Variants in MCM5 observed in about 807,000 individuals in gnomAD.
MCM5 encodes DNA replication licensing factor MCM5.
In MCM5, 46 loss-of-function variants were observed where a neutral mutation model predicts 79.9. The ratio of observed to expected loss-of-function variants is 0.58; its 90% confidence interval spans 0.45 to 0.74. MCM5 has a LOEUF of 0.74. Among genes scored for constraint, MCM5 ranks in the 30% least tolerant of loss-of-function variants. MCM5 has a pLI of 0.00. For missense variants in MCM5, 883 were observed against 1,017.0 expected, an observed-to-expected ratio of 0.87 and a Z score of 1.79; for synonymous variants, 404 against 390.5, an observed-to-expected ratio of 1.03 and a Z score of -0.41.
the MCM5 span, among the ~76,000 whole-genome samples, chr22:35,444,974 T>G: frequency 7.2e-3 from 1,090 of 152,306 alleles, 13 homozygotes; most frequent in African/African-American, 0.024. Flanking sequence ...CCTCCCAGAC[T>G]CCTCTGCGGC....
rs1280362067 is a variant in MCM5, at chr22:35,400,625, G to A, written c.167+20G>A. ...ATACAGGTGCGGCTCCTGCGGGGCC[G>A]GGGGCTCGAGTTCCAGTGTGGCCGC... On this transcript the variant is annotated intron_variant, in intron 2 of 16. Coordinates refer to ENST00000216122, the MANE Select transcript of MCM5 (RefSeq NM_006739.4). 7 of 1,569,048 alleles carry A rather than the reference G, an allele frequency of 4.5e-6. No homozygotes were observed. Among genetic ancestry groups the A allele is most frequent in the Non-Finnish European group, 6.0e-6 (7 of 1,157,066 alleles).
downstream of MCM5, among the ~76,000 whole-genome samples, chr22:35,426,846 T>C (rs570096695): frequency 1.0e-3 from 157 of 152,342 alleles, no homozygotes; most frequent in Admixed American, 2.4e-3. Flanking sequence ...TGCCCCACTC[T>C]ACTCCTGGCT....
At chr22:35,428,709 G>A (rs1601767444), downstream of MCM5, among the ~76,000 whole-genome samples, 1 of 152,254 alleles carries the variant, frequency 6.6e-6, no homozygotes, top group African/African-American at 2.4e-5. Flanking sequence ...CTGTTGGCGG[G>A]CTTGGTCTTC....
the MCM5 span, among the ~76,000 whole-genome samples, chr22:35,442,782 G>A: frequency 6.6e-5 from 10 of 152,176 alleles, no homozygotes; most frequent in East Asian, 1.9e-4. Flanking sequence ...CATGGAAGGC[G>A]CCGTGTTCAC....
chr22:35,450,134 C>G, the MCM5 span, among the ~76,000 whole-genome samples: 1 of 152,126 alleles, frequency 6.6e-6, no homozygotes, highest in Non-Finnish European at 1.5e-5. Flanking sequence ...TGTCTGACCT[C>G]TCAGATTTGT....
At position 35,421,384 on chromosome 22, in the gene MCM5, A is replaced by G. The variant is rs1932689347; in HGVS notation, c.1899A>G (p.Thr633=). 1.2e-6 allele frequency: 2 copies of G among 1,614,184 alleles called. No homozygotes were observed. Among genetic ancestry groups the G allele is most frequent in the South Asian group, 2.2e-5 (2 of 91,090 alleles). The stretch of plus-strand genomic sequence containing the variant: ...AGATGAAGCTGCAGCCCTTCGCCAC[A>G]GAGGCAGATGTGGAGGAGGCCCTGC... The part of the protein sequence containing the change: ...LSKMKLQPFA[T]EADVEEALRL... The change falls in exon 15 of 17, where the codon ACA becomes ACG. Residue 633 remains threonine (T), a synonymous_variant. Transcript: ENST00000216122.
chr22:35,400,490 G>A lies in MCM5; in HGVS notation c.52G>A (p.Asp18Asn). 6.2e-7 allele frequency: 1 copy of A among 1,614,094 alleles called. No homozygotes were observed. Reference protein sequence around the residue: ...GIFYSDSFGGDAQADEGQARK... With the variant: ...GIFYSDSFGGNAQADEGQARK... ...TTTCTACAGCGACAGCTTCGGGGGC[G>A]ACGCCCAGGCCGACGAGGGGCAGGC... The change falls in exon 2 of 17, where the codon GAC becomes AAC. Residue 18 changes from aspartate to asparagine, a missense_variant. Coordinates refer to ENST00000216122, the MANE Select transcript of MCM5 (RefSeq NM_006739.4).
At chr22:35,438,435 A>G in the MCM5 span, among the ~76,000 whole-genome samples, 1 of 110,470 alleles carries the variant, frequency 9.1e-6, no homozygotes, top group Non-Finnish European at 1.9e-5. Flanking sequence ...ATCCATCCAC[A>G]TATTCATCCA....
the MCM5 span, among the ~76,000 whole-genome samples, chr22:35,431,114 ACT>A: frequency 3.7e-4 from 57 of 152,048 alleles, no homozygotes; most frequent in African/African-American, 1.4e-3. Flanking sequence ...GAATCTGGAA[ACT>A]CCCTGGCTCA....
chr22:35,446,060 A>C, the MCM5 span, among the ~76,000 whole-genome samples: 1 of 152,286 alleles, frequency 6.6e-6, no homozygotes, highest in East Asian at 1.9e-4. Flanking sequence ...GAGTGAGTGG[A>C]TTGGTCTCTA....
At chr22:35,420,109 T>G in intron 14 of MCM5, 97 bp downstream of exon 14, 1 of 1,430,864 alleles carries the variant, frequency 7.0e-7, no homozygotes, top group Non-Finnish European at 9.4e-7. Context: ...GGCTTTTCAC[T>G]TGGCACAGGC....
the MCM5 span, among the ~76,000 whole-genome samples, chr22:35,433,328 A>G: frequency 1.3e-5 from 2 of 152,314 alleles, no homozygotes; most frequent in Admixed American, 6.5e-5. Context: ...AGATGAGACC[A>G]TGTATAACAT....
At chr22:35,404,776 C>T (rs1429742266) in intron 4 of MCM5, among the ~76,000 whole-genome samples, 3 of 152,168 alleles carry the variant, frequency 2.0e-5, no homozygotes, top group Non-Finnish European at 4.4e-5. Context: ...CTGGTTCTCT[C>T]GTTCAGCCGG....
the MCM5 span, among the ~76,000 whole-genome samples, chr22:35,432,468 C>G: frequency 6.6e-6 from 1 of 152,218 alleles, no homozygotes; most frequent in Non-Finnish European, 1.5e-5. Context: ...GGCCCCCACA[C>G]AGAACGTGCT....
At position 35,408,341 on chromosome 22, in the gene MCM5, G is replaced by C; in HGVS notation, c.597-67G>C. 3.3e-6 allele frequency: 5 copies of C among 1,493,154 alleles called. No homozygotes were observed. The South Asian group carries it at 6.1e-5, about 18-fold the overall frequency. The allele number at this position is 1,493,154 out of a possible 1,614,324, so 92.5% of individuals were successfully genotyped here. A position where few individuals can be genotyped will look rare whatever the true frequency, so the allele number is the denominator to read the frequency against. On this transcript the variant is annotated intron_variant, in intron 5 of 16. Transcript: ENST00000216122. ...GCAACGTCTCCTTGCTGGCTCCTGG[G>C]ATGAATGAGCCCTGCCTTTGGATTC...
rs4645826 is a variant in MCM5, at chr22:35,424,457, G to A, written c.*202G>A. 1.9e-3 allele frequency: 973 copies of A among 510,826 alleles called. 3 individuals carry two copies. The highest frequency in any genetic ancestry group is 3.4e-3 in the Admixed American group (85 of 24,820). 31.6% of individuals were successfully genotyped at this position (510,826 alleles called of 1,614,324 possible). ...CGCCTCTAGCGCGGTTCTGGGAAGT[G>A]TGCTTTTGGCATCCGTTAATAATAA... is the stretch of plus-strand genomic sequence containing the variant. On this transcript the variant is annotated 3_prime_UTR_variant, in exon 17 of 17. Coordinates refer to ENST00000216122, the MANE Select transcript of MCM5 (RefSeq NM_006739.4).
At chr22:35,448,428 G>A in the MCM5 span, among the ~76,000 whole-genome samples, 1 of 151,930 alleles carries the variant, frequency 6.6e-6, no homozygotes, top group African/African-American at 2.4e-5. Context: ...CCAGCAGCTG[G>A]AGTCATCTTC....
chr22:35,424,385 T>A lies in MCM5; in HGVS notation c.*130T>A. ...CTCGAACTTCCCAGGCACCCTCCTT[T>A]CTGCCCCAGAGGAAGGAGCTGTAGT... On this transcript the variant is annotated 3_prime_UTR_variant, in exon 17 of 17. Transcript: ENST00000216122. 1.5e-6 allele frequency: 1 copy of A among 675,620 alleles called. No individual in the cohort carries two copies. The highest frequency in any genetic ancestry group is 2.9e-5 in the Admixed American group (1 of 34,706). The allele number at this position is 675,620 out of a possible 1,614,324, so 41.9% of individuals were successfully genotyped here. A position where few individuals can be genotyped will look rare whatever the true frequency, so the allele number is the denominator to read the frequency against.
chr22:35,421,699 C>A, intron 15 of MCM5: 1 of 582,720 alleles, frequency 1.7e-6, no homozygotes, highest in Non-Finnish European at 3.1e-6. Context: ...TCCTCTTGAC[C>A]CAGGTCATTG....
Sources: gnomAD v4.1 joint callset for allele counts (sites outside exome capture counted in the v4.1 genomes callset) on GRCh38, gnomAD v4.1.1 for gene constraint, MANE v1.5 for transcripts, NCBI Gene and HGNC (gene_info 2026-07-23, HGNC 2026-07-21) for gene names.